PRAG1: variants seen among roughly 807,000 people sequenced by gnomAD.
PRAG1 encodes the protein PEAK1 related, kinase-activating pseudokinase 1.
A neutral mutation model predicts 95.6 loss-of-function variants in PRAG1; 110 were observed. The ratio of observed to expected loss-of-function variants is 1.15; its 90% CI spans 0.99 to 1.35. PRAG1 has a LOEUF of 1.35. PRAG1 is among the 40% of genes most tolerant of loss of function. The probability of loss-of-function intolerance (pLI) is 0.00; values close to 1 mark genes in which losing one functional copy is unlikely to be tolerated. For synonymous variants in PRAG1, 1,052 were observed against 819.4 expected (o/e 1.28, Z -4.85); for missense variants, 2,554 against 1,864.7 (o/e 1.37, Z -6.81).
At position 8,376,392 on chromosome 8, in the gene PRAG1, G is replaced by A. The variant is rs553450708; in HGVS notation, c.2017C>T (p.Arg673Cys). 8.7e-6 allele frequency: 14 copies of A among 1,614,174 alleles called. No homozygotes were observed. Among genetic ancestry groups the A allele is most frequent in the Admixed American group, 1.7e-5 (1 of 60,026 alleles). The part of the protein sequence containing the change: ...TDHSNSTTWH[R>C]LHPTDGSSGQ... ...GAGGAGCCATCTGTGGGGTGGAGAC[G>A]GTGCCAGGTCGTGGAGTTTGAATGG... The change falls in exon 3 of 6, where the codon CGT becomes TGT. Residue 673 changes from arginine to cysteine, a missense_variant. Physicochemically the swap from Arg to Cys is radical, Grantham distance 180 (BLOSUM62 -3). Transcript: ENST00000615670.
chr8:8,336,875 A>ACCTTCCCCCC (rs1442617675), intron 4 of PRAG1, among the ~76,000 whole-genome samples: 26 of 150,462 alleles, frequency 1.7e-4, no homozygotes, highest in African/African-American at 6.4e-4. Flanking sequence ...ATACAACTAA[A>ACCTTCCCCCC]ACCTTCCCCC....
At chr8:8,362,010 C>T (rs1799860797) in intron 3 of PRAG1, among the ~76,000 whole-genome samples, 2 of 152,168 alleles carry the variant, frequency 1.3e-5, no homozygotes. Context: ...TCTTGTCTAT[C>T]CTGTTTTTCC....
chr8:8,370,125 T>C (rs906670904), intron 3 of PRAG1, among the ~76,000 whole-genome samples: 1 of 152,264 alleles, frequency 6.6e-6, no homozygotes, highest in Non-Finnish European at 1.5e-5. Flanking sequence ...GTCTTAAATG[T>C]TGAATACATA....
At chr8:8,383,537 C>T (rs1488765175) in intron 1 of PRAG1, among the ~76,000 whole-genome samples, 1 of 152,058 alleles carries the variant, frequency 6.6e-6, no homozygotes, top group African/African-American at 2.4e-5. Context: ...GCCATGATCA[C>T]ACCACTGCAC....
chr8:8,343,805 G>A (rs903012762), intron 3 of PRAG1, among the ~76,000 whole-genome samples: 13 of 152,128 alleles, frequency 8.5e-5, no homozygotes, highest in African/African-American at 3.1e-4. Flanking sequence ...AAAAACAGAT[G>A]TCTTGCATGT....
intron 4 of PRAG1, among the ~76,000 whole-genome samples, chr8:8,329,825 G>A (rs1386761188): frequency 6.6e-6 from 1 of 152,162 alleles, no homozygotes; most frequent in Non-Finnish European, 1.5e-5. Context: ...GGTCTCTCTA[G>A]GGAGCAAGAT....
At position 8,376,268 on chromosome 8, in the gene PRAG1, G is replaced by A; in HGVS notation, c.2141C>T (p.Pro714Leu). 1 of 1,613,954 alleles carries A rather than the reference G, an allele frequency of 6.2e-7. No homozygotes were observed. Among genetic ancestry groups the A allele is most frequent in the Non-Finnish European group, 8.5e-7 (1 of 1,179,972 alleles). The part of the protein sequence containing the change: ...DRSGIETFSP[P>L]PPPPKSRHLL... Reference sequence around the variant, plus strand: ...TCACCGCGACTTTGGAGGCGGAGGAGGAGGTGAGAATGTCTCAATCCCACT... The same window carrying A: ...TCACCGCGACTTTGGAGGCGGAGGAAGAGGTGAGAATGTCTCAATCCCACT... The change falls in exon 3 of 6, where the codon CCT (proline) becomes CTT (leucine). Residue 714 changes from proline to leucine, a missense_variant. Transcript: ENST00000615670.
chr8:8,377,755 TGTG>T lies in PRAG1; in HGVS notation c.651_653del (p.Thr218del), dbSNP rs1159099128. 3 of 1,613,924 alleles carry T rather than the reference TGTG, an allele frequency of 1.9e-6. No homozygotes were observed. Among genetic ancestry groups the T allele is most frequent in the Non-Finnish European group, 1.7e-6 (2 of 1,180,008 alleles). ...GCCCAGGGCCCTGGTGACAGCCAGATGTGGTCCCAGCAAAGGCAGCCAGTTTCT... is the reference window on the plus strand; with the variant it reads ...GCCCAGGGCCCTGGTGACAGCCAGATGTCCCAGCAAAGGCAGCCAGTTTCT... On this transcript the variant is annotated inframe_deletion, in exon 3 of 6. Coordinates refer to ENST00000615670, the MANE Select transcript of PRAG1 (RefSeq NM_001080826.3).
At chr8:8,363,432 T>G (rs1036050254) in intron 3 of PRAG1, among the ~76,000 whole-genome samples, 1 of 152,144 alleles carries the variant, frequency 6.6e-6, no homozygotes, top group Non-Finnish European at 1.5e-5. Context: ...GGATGAAACT[T>G]GAGAACATTA....
At chr8:8,371,654 G>C (rs932574893) in intron 3 of PRAG1, among the ~76,000 whole-genome samples, 2 of 152,160 alleles carry the variant, frequency 1.3e-5, no homozygotes, top group Non-Finnish European at 2.9e-5. Flanking sequence ...TGGATCATTT[G>C]AGCCCAGGAG....
intron 4 of PRAG1, among the ~76,000 whole-genome samples, chr8:8,331,669 A>C (rs1389997643): frequency 6.6e-6 from 1 of 152,142 alleles, no homozygotes; most frequent in African/African-American, 2.4e-5. Flanking sequence ...TAACACTTCT[A>C]ATTCCCTAGA....
intron 4 of PRAG1, among the ~76,000 whole-genome samples, chr8:8,334,587 G>T (rs150362270): frequency 6.6e-6 from 1 of 151,086 alleles, no homozygotes; most frequent in Non-Finnish European, 1.5e-5. Context: ...AATCATCCCA[G>T]GAAACAATAA....
chr8:8,374,720 T>C, intron 3 of PRAG1: 1 of 985,330 alleles, frequency 1.0e-6, no homozygotes, highest in Non-Finnish European at 1.2e-6. Context: ...CACCTCAGGA[T>C]CTGGAAGATG....
At chr8:8,381,271 C>T in intron 2 of PRAG1, 147 bp downstream of exon 2, 1 of 688,078 alleles carries the variant, frequency 1.5e-6, no homozygotes, top group Non-Finnish European at 2.4e-6. Context: ...CAGCGAATCC[C>T]AGGCAGGAGC....
At chr8:8,330,034 T>C (rs2945901) in intron 4 of PRAG1, among the ~76,000 whole-genome samples, 33,036 of 152,112 alleles carry the variant, frequency 0.22, 4,048 homozygotes, top group African/African-American at 0.33. Context: ...TATGGGGTCC[T>C]TGCACCAATA....
chr8:8,373,093 A>G (rs941628998), intron 3 of PRAG1, among the ~76,000 whole-genome samples: 1 of 152,212 alleles, frequency 6.6e-6, no homozygotes, highest in Non-Finnish European at 1.5e-5. Context: ...ACGTTCTTCC[A>G]TTTTGGAAAA....
intron 3 of PRAG1, among the ~76,000 whole-genome samples, chr8:8,359,639 A>T (rs1452767429): frequency 6.6e-6 from 1 of 152,182 alleles, no homozygotes; most frequent in Admixed American, 6.5e-5. Context: ...TACAGGCTTT[A>T]ACCCTATTCT....
At chr8:8,373,429 C>G (rs2116924240) in intron 3 of PRAG1, among the ~76,000 whole-genome samples, 1 of 143,560 alleles carries the variant, frequency 7.0e-6, no homozygotes, top group African/African-American at 2.7e-5. Flanking sequence ...TTTCTGTGTT[C>G]TCTTAAGCTA....
intron 3 of PRAG1, among the ~76,000 whole-genome samples, chr8:8,370,025 G>A (rs900344458): frequency 1.3e-5 from 2 of 152,196 alleles, no homozygotes. Context: ...CCACTCAAAA[G>A]TAGACAATTA....
Sources: allele counts gnomAD v4.1 joint callset (sites outside exome capture counted in the v4.1 genomes callset), GRCh38; gene constraint gnomAD v4.1.1; transcripts MANE v1.5; gene names NCBI Gene and HGNC (gene_info 2026-07-23, HGNC 2026-07-21).